Variants in TTLL5 observed in about 807,000 individuals in gnomAD.
The protein encoded by TTLL5 is tubulin polyglutamylase TTLL5.
Under a neutral mutation model 168.4 loss-of-function variants are expected in TTLL5, and 132 were observed. The observed-to-expected ratio is 0.78, with a 90% CI of 0.68 to 0.91. The LOEUF (loss-of-function observed/expected upper bound fraction) is 0.91. Ranked by LOEUF, TTLL5 falls within the 40% of genes least tolerant of loss-of-function variation. TTLL5 has a pLI of 0.00. For missense variants in TTLL5, 1,545 were observed against 1,581.5 expected, an observed-to-expected ratio of 0.98 and a Z score of 0.39; for synonymous variants, 546 against 558.6, an observed-to-expected ratio of 0.98 and a Z score of 0.32.
rs187303575 is a variant in TTLL5 at position 75,794,224 on chromosome 14, G to A, written c.3171+1124G>A. Among the ~76,000 whole-genome samples, 3 of 152,248 alleles carry A rather than the reference G, an allele frequency of 2.0e-5. No individual in the cohort carries two copies. The East Asian group carries it at 5.8e-4, about 29-fold the overall frequency. On this transcript the variant is annotated intron_variant, in intron 27 of 31. Transcript: ENST00000298832. ...TATTATAAGAACAATGTTGATTCTTGGAGGGAGTTGGGTAGTTAGATTTTA... is the reference window on the plus strand; with the variant it reads ...TATTATAAGAACAATGTTGATTCTTAGAGGGAGTTGGGTAGTTAGATTTTA...
chr14:75,736,040 T>C (rs1479183101), intron 15 of TTLL5, among the ~76,000 whole-genome samples: 1 of 152,236 alleles, frequency 6.6e-6, no homozygotes, highest in Non-Finnish European at 1.5e-5. Context: ...GGAAGTCTTT[T>C]CTTATTAAAT....
At chr14:75,661,639 T>G (rs895372333) in intron 1 of TTLL5, 4 of 152,280 alleles carry the variant, frequency 2.6e-5, no homozygotes, top group African/African-American at 7.2e-5. Context: ...TCTCCTTAGG[T>G]GAGTATCTCT....
intron 3 of TTLL5, among the ~76,000 whole-genome samples, chr14:75,680,490 C>G (rs1566811707): frequency 6.6e-6 from 1 of 152,044 alleles, no homozygotes; most frequent in Non-Finnish European, 1.5e-5. Context: ...TTTAGAGCAC[C>G]ATGAGAAACA....
intron 3 of TTLL5, among the ~76,000 whole-genome samples, chr14:75,678,914 T>C (rs1297138493): frequency 6.6e-5 from 10 of 152,246 alleles, no homozygotes; most frequent in Non-Finnish European, 1.5e-4. Context: ...TATTCCCTAA[T>C]AGCCTCTCCC....
chr14:75,780,893 G>A (rs538371587), intron 24 of TTLL5, among the ~76,000 whole-genome samples: 1 of 152,148 alleles, frequency 6.6e-6, no homozygotes, highest in East Asian at 1.9e-4. Flanking sequence ...CACCTATTAT[G>A]TGTTAGGCAT....
At chr14:75,700,653 C>G (rs961142284) in intron 7 of TTLL5, among the ~76,000 whole-genome samples, 10 of 152,174 alleles carry the variant, frequency 6.6e-5, no homozygotes, top group African/African-American at 2.4e-5. Flanking sequence ...CTCAAGTTGT[C>G]GGCTTGGCCC....
intron 29 of TTLL5, among the ~76,000 whole-genome samples, chr14:75,881,409 C>T (rs1384631744): frequency 2.0e-5 from 3 of 152,156 alleles, no homozygotes; most frequent in Admixed American, 1.3e-4. Flanking sequence ...CACACAAGAC[C>T]CCTGGATCCC....
In TTLL5 at chr14:75,858,678, A is replaced by C. The variant is rs544196494; in HGVS notation, c.3327-4989A>C. ...GATAAAATTACAGCTTTTCAGGAAA[A>C]GTTTGACTTTTGGAAAACGTGTATC... On this transcript the variant is annotated intron_variant, in intron 28 of 31. Coordinates refer to ENST00000298832, the MANE Select transcript of TTLL5 (RefSeq NM_015072.5). 9.2e-5 allele frequency among the ~76,000 whole-genome samples: 14 copies of C among 152,350 alleles called. No homozygotes were observed. The South Asian group carries it at 2.1e-3, about 23-fold the overall frequency.
intron 20 of TTLL5, among the ~76,000 whole-genome samples, chr14:75,770,364 C>T (rs79945193): frequency 0.012 from 1,889 of 152,242 alleles, 15 homozygotes; most frequent in South Asian, 0.025. Context: ...CCCTCCAATT[C>T]TCCAACATAC....
At chr14:75,903,362 G>A (rs1023669983) in intron 31 of TTLL5, among the ~76,000 whole-genome samples, 3 of 152,000 alleles carry the variant, frequency 2.0e-5, no homozygotes, top group Non-Finnish European at 2.9e-5. Flanking sequence ...AGCAAAGACC[G>A]GGGGGAAGTG....
At position 75,766,061 on chromosome 14, in the gene TTLL5, G is replaced by T; in HGVS notation, c.1709-1G>T. The T allele has an allele frequency of 6.2e-7, 1 of 1,608,546 alleles. No individual in the cohort carries two copies. The highest frequency in any genetic ancestry group is 1.7e-4 in the Middle Eastern group (1 of 6,000). On this transcript the variant is annotated splice_acceptor_variant, in intron 19 of 31. Transcript: ENST00000298832. LOFTEE classifies it high-confidence loss of function. ...CAACATTAGTGATTCTTCGTATTTA[G>T]TGATTACCCAACCAGCTGAAATGAA...
At chr14:75,946,850 G>A (rs1049333243) in intron 31 of TTLL5, among the ~76,000 whole-genome samples, 3 of 152,228 alleles carry the variant, frequency 2.0e-5, no homozygotes, top group South Asian at 2.1e-4. Flanking sequence ...CTGAAGAAGG[G>A]GGAATAAGCT....
chr14:75,784,225 T>A (rs529611567), intron 26 of TTLL5, among the ~76,000 whole-genome samples: 11 of 152,304 alleles, frequency 7.2e-5, no homozygotes, highest in Admixed American at 1.3e-4. Flanking sequence ...ACCACTGATC[T>A]ACTTCTCTGT....
rs960940741 is a variant in TTLL5, at chr14:75,954,838, C to T, written c.*392C>T. 1 of 189,420 alleles carries T rather than the reference C, an allele frequency of 5.3e-6. No homozygotes were observed. The highest frequency in any genetic ancestry group is 2.3e-5 in the African/African-American group (1 of 42,918). 11.7% of individuals were successfully genotyped at this position (189,420 alleles called of 1,614,324 possible). ...CTCTTTGGCTATTTGCATTTTGCTT[C>T]CTCTTCTTTTCCAGATTACAGTATG... On this transcript the variant is annotated 3_prime_UTR_variant, in exon 32 of 32. Coordinates refer to ENST00000298832, the MANE Select transcript of TTLL5 (RefSeq NM_015072.5).
At chr14:75,814,005 A>C (rs1480941353) in intron 27 of TTLL5, among the ~76,000 whole-genome samples, 1 of 152,174 alleles carries the variant, frequency 6.6e-6, no homozygotes, top group Admixed American at 6.5e-5. Flanking sequence ...TTAATATCCT[A>C]ATATAGGTTG....
intron 29 of TTLL5, among the ~76,000 whole-genome samples, chr14:75,869,821 A>ATGTTTTTTTTTT (rs2030863321): frequency 1.2e-5 from 1 of 82,416 alleles, no homozygotes; most frequent in African/African-American, 5.0e-5. Context: ...TTCAACAAGT[A>ATGTTTTTTTTTT]TTTTTTTTTT....
At chr14:75,904,989 A>C (rs541618542) in intron 31 of TTLL5, among the ~76,000 whole-genome samples, 3 of 152,314 alleles carry the variant, frequency 2.0e-5, no homozygotes, top group Non-Finnish European at 4.4e-5. Flanking sequence ...CAACATTTGA[A>C]CTGAAAATCA....
intron 28 of TTLL5, among the ~76,000 whole-genome samples, chr14:75,849,814 T>C (rs1896749901): frequency 6.6e-6 from 1 of 152,128 alleles, no homozygotes; most frequent in Admixed American, 6.5e-5. Context: ...GAATATTTGG[T>C]GACTGGTCGG....
chr14:75,667,751 G>GTTTTTTTTTTTTTTTTTTTTTTTT lies in TTLL5; in HGVS notation c.75-1663_75-1640dup, dbSNP rs67181555. On this transcript the variant is annotated intron_variant, in intron 2 of 31. Coordinates refer to ENST00000298832, the MANE Select transcript of TTLL5 (RefSeq NM_015072.5). ...GCATTCAGAGTGTGGATCTTTTTAT[G>GTTTTTTTTTTTTTTTTTTTTTTTT]TTTTTTTTTTTTTTTTTTTTTTTTT... Among the ~76,000 whole-genome samples the GTTTTTTTTTTTTTTTTTTTTTTTT allele has an allele frequency of 1.5e-4, 13 of 89,084 alleles. 1 individual carries two copies. The highest frequency in any genetic ancestry group is 2.0e-4 in the Non-Finnish European group (10 of 49,546). 58.4% of individuals were successfully genotyped at this position (89,084 alleles called of 152,430 possible).
Sources: gnomAD v4.1 joint callset for allele counts (sites outside exome capture counted in the v4.1 genomes callset) on GRCh38, gnomAD v4.1.1 for gene constraint, MANE v1.5 for transcripts, NCBI Gene and HGNC (gene_info 2026-07-23, HGNC 2026-07-21) for gene names.